RECK: variants seen among roughly 807,000 people sequenced by gnomAD.
RECK encodes the protein reversion inducing cysteine rich protein with kazal motifs, also known as reversion-inducing cysteine-rich protein with Kazal motifs.
Under a neutral mutation model 115.1 loss-of-function variants are expected in RECK, and 69 were observed. The observed-to-expected ratio is 0.60, with a 90% CI of 0.49 to 0.73. RECK has a LOEUF of 0.73. RECK is among the 30% of genes least tolerant of loss of function. The probability of loss-of-function intolerance (pLI) is 0.00; values close to 1 mark genes in which losing one functional copy is unlikely to be tolerated. For missense variants in RECK, 1,047 were observed against 1,203.7 expected, an observed-to-expected ratio of 0.87 and a Z score of 1.93; for synonymous variants, 414 against 419.7, an observed-to-expected ratio of 0.99 and a Z score of 0.17.
chr9:36,046,527 C>T (rs150529374), intron 1 of RECK, among the ~76,000 whole-genome samples: 31 of 152,222 alleles, frequency 2.0e-4, no homozygotes, highest in African/African-American at 7.2e-4. Context: ...GAAAATGTGA[C>T]GGAGCAGAGG....
chr9:36,086,671 A>G (rs929679065), intron 8 of RECK, among the ~76,000 whole-genome samples: 4 of 152,042 alleles, frequency 2.6e-5, no homozygotes, highest in Admixed American at 2.0e-4. Flanking sequence ...TGATTGGTCT[A>G]TTTTTACAGA....
chr9:36,036,977 T>A lies in RECK; in HGVS notation c.-22T>A. On this transcript the variant is annotated 5_prime_UTR_variant, in exon 1 of 21. Coordinates refer to ENST00000377966, the MANE Select transcript of RECK (RefSeq NM_021111.3). ...AAGCTGGGTCCGAGCATCCCGCGGC[T>A]CTGGAGCCGCCCGGCCCGGACATGG... The A allele has an allele frequency of 7.1e-7, 1 of 1,405,432 alleles. No homozygotes were observed. The highest frequency in any genetic ancestry group is 9.3e-7 in the Non-Finnish European group (1 of 1,076,570). The allele number at this position is 1,405,432 out of a possible 1,614,324, so 87.1% of individuals were successfully genotyped here.
intron 6 of RECK, among the ~76,000 whole-genome samples, chr9:36,067,765 A>C (rs1822065801): frequency 6.6e-6 from 1 of 152,196 alleles, no homozygotes; most frequent in Non-Finnish European, 1.5e-5. Context: ...ATTATATTTA[A>C]TTGAGTCAGG....
intron 7 of RECK, among the ~76,000 whole-genome samples, chr9:36,081,740 A>T (rs1184699114): frequency 6.6e-6 from 1 of 151,802 alleles, no homozygotes. Context: ...AGGCTGAGGC[A>T]GGAGAATCGC....
chr9:36,043,191 AT>A (rs761649232), intron 1 of RECK, among the ~76,000 whole-genome samples: 2,312 of 53,978 alleles, frequency 0.043, 67 homozygotes, highest in African/African-American at 0.14. Flanking sequence ...CGCCTGGCTA[AT>A]TTTTTTTTTT....
Position 36,100,526 on chromosome 9 carries a change from G to A in RECK, c.1281G>A (p.Arg427=), listed in dbSNP as rs1823524058. 1 of 1,613,206 alleles carries A rather than the reference G, an allele frequency of 6.2e-7. No homozygotes were observed. The highest frequency in any genetic ancestry group is 1.3e-5 in the African/African-American group (1 of 74,876). The change falls in exon 11 of 21, where the codon CGG becomes CGA. Residue 427 remains arginine, a synonymous_variant. Transcript: ENST00000377966. ...LQIKPCHSKS[R]GSIICKSDCV... ...TTAAACCTTGTCATAGTAAATCTCG[G>A]GGAAGTATTATTTGCAAGTAAGTTT...
At chr9:36,072,112 T>C (rs142107636) in intron 6 of RECK, among the ~76,000 whole-genome samples, 1,972 of 152,284 alleles carry the variant, frequency 0.013, 20 homozygotes, top group Non-Finnish European at 0.02. Context: ...GTTCTGCCCC[T>C]GGATGCCAGT....
intron 1 of RECK, among the ~76,000 whole-genome samples, chr9:36,050,828 G>A (rs1011913046): frequency 6.6e-6 from 1 of 151,974 alleles, no homozygotes; most frequent in Non-Finnish European, 1.5e-5. Context: ...ATTCATTGTG[G>A]CTCGTTCCCT....
intron 10 of RECK, among the ~76,000 whole-genome samples, chr9:36,098,160 A>G (rs1472261069): frequency 1.3e-5 from 2 of 152,242 alleles, no homozygotes; most frequent in Non-Finnish European, 2.9e-5. Flanking sequence ...CAATGTGGTA[A>G]CTATAGTTAA....
intron 4 of RECK, among the ~76,000 whole-genome samples, chr9:36,060,776 C>T (rs1285122883): frequency 6.6e-6 from 1 of 152,094 alleles, no homozygotes; most frequent in Non-Finnish European, 1.5e-5. Context: ...CTAATCAGCT[C>T]TGAGAAGGTG....
At chr9:36,039,593 C>A (rs760527132) in intron 1 of RECK, among the ~76,000 whole-genome samples, 9 of 152,086 alleles carry the variant, frequency 5.9e-5, no homozygotes, top group Non-Finnish European at 1.2e-4. Flanking sequence ...GAGAAGGGAC[C>A]CTATCCTGCA....
rs56837267 is a variant in RECK, at chr9:36,097,327, C to CAAAA, written c.1086-2990_1086-2987dup. Among the ~76,000 whole-genome samples the CAAAA allele has an allele frequency of 7.6e-3, 531 of 69,616 alleles. 4 individuals are homozygous for CAAAA. The highest frequency in any genetic ancestry group is 0.021 in the African/African-American group (468 of 22,782). The allele number at this position is 69,616 out of a possible 152,430, so 45.7% of individuals were successfully genotyped here. A position where few individuals can be genotyped will look rare whatever the true frequency, so the allele number is the denominator to read the frequency against. ...TGGGCGACAGACCAAGACTCCATCT[C>CAAAA]AAAAAAAAAAAAAAAAAGAAAAAAA... On this transcript the variant is annotated intron_variant, in intron 10 of 20. Transcript: ENST00000377966.
rs1820682255 is a variant in RECK, at chr9:36,036,945, T to TGCGGCC, written c.-53_-48dup. 1.7e-6 allele frequency: 2 copies of TGCGGCC among 1,191,246 alleles called. No homozygotes were observed. The highest frequency in any genetic ancestry group is 2.1e-6 in the Non-Finnish European group (2 of 932,412). 73.8% of individuals were successfully genotyped at this position (1,191,246 alleles called of 1,614,324 possible). A position where few individuals can be genotyped will look rare whatever the true frequency, so the allele number is the denominator to read the frequency against. ...CGGCGGCGGTAGCGGCGGCAGCGGC[T>TGCGGCC]GCGGCCAAGCTGGGTCCGAGCATCC... On this transcript the variant is annotated 5_prime_UTR_variant, in exon 1 of 21. Coordinates refer to ENST00000377966, the MANE Select transcript of RECK (RefSeq NM_021111.3).
intron 13 of RECK, among the ~76,000 whole-genome samples, chr9:36,106,063 A>G (rs1823796389): frequency 6.6e-6 from 1 of 151,822 alleles, no homozygotes; most frequent in African/African-American, 2.4e-5. Context: ...AATACAAAAT[A>G]TTAGCCGGGC....
intron 2 of RECK, among the ~76,000 whole-genome samples, chr9:36,057,270 T>C (rs1821566507): frequency 6.6e-6 from 1 of 152,236 alleles, no homozygotes; most frequent in South Asian, 2.1e-4. Flanking sequence ...ACAGTCTATT[T>C]TTCATTGTTA....
At position 36,108,042 on chromosome 9, in the gene RECK, C is replaced by T; in HGVS notation, c.1643C>T (p.Ser548Phe). ...GGGACACTAATCCAGGTGCCATCAT[C>T]TGCAGGGGAAGTTGGTTGTTATAAA... ...RQGTLIQVPS[S>F]AGEVGCYKIC... The change falls in exon 14 of 21, where the codon TCT (serine) becomes TTT (phenylalanine). Residue 548 changes from serine to phenylalanine, a missense_variant. By Grantham distance (155) the Ser-to-Phe change is radical. Transcript: ENST00000377966. 2 of 1,614,118 alleles carry T rather than the reference C, an allele frequency of 1.2e-6. No individual in the cohort carries two copies. Among genetic ancestry groups the T allele is most frequent in the Non-Finnish European group, 1.7e-6 (2 of 1,179,988 alleles).
intron 6 of RECK, among the ~76,000 whole-genome samples, chr9:36,068,202 G>A (rs1256173987): frequency 1.3e-5 from 2 of 152,124 alleles, no homozygotes; most frequent in Non-Finnish European, 2.9e-5. Flanking sequence ...AACCCCTCTA[G>A]CTTAGCTAAA....
At chr9:36,052,898 T>C (rs1458529012) in intron 2 of RECK, among the ~76,000 whole-genome samples, 7 of 152,190 alleles carry the variant, frequency 4.6e-5, no homozygotes, top group Non-Finnish European at 8.8e-5. Context: ...AATTTGAATA[T>C]AGACTGGATA....
At chr9:36,117,904 C>T (rs1824322038) in intron 17 of RECK, among the ~76,000 whole-genome samples, 2 of 152,154 alleles carry the variant, frequency 1.3e-5, no homozygotes, top group East Asian at 1.9e-4. Flanking sequence ...CGCTTGAACC[C>T]GGGAGGCGGA....
Sources: gnomAD v4.1 joint callset for allele counts (sites outside exome capture counted in the v4.1 genomes callset) on GRCh38, gnomAD v4.1.1 for gene constraint, MANE v1.5 for transcripts, NCBI Gene and HGNC (gene_info 2026-07-23, HGNC 2026-07-21) for gene names.